Variants in PPP2R2B observed in about 807,000 individuals in gnomAD.
The protein encoded by PPP2R2B is serine/threonine-protein phosphatase 2A 55 kDa regulatory subunit B beta isoform.
Under a neutral mutation model 46.0 loss-of-function variants are expected in PPP2R2B, and 5 were observed. The ratio of observed to expected loss-of-function variants is 0.11; its 90% CI spans 0.06 to 0.23. The LOEUF is 0.23. Ranked by LOEUF, PPP2R2B falls within the 10% of genes least tolerant of loss-of-function variation. The pLI is 1.00. For synonymous variants in PPP2R2B, 215 were observed against 206.7 expected, an observed-to-expected ratio of 1.04 and a Z score of -0.34; for missense variants, 367 against 575.0, an observed-to-expected ratio of 0.64 and a Z score of 3.70.
intron 1 of PPP2R2B, among the ~76,000 whole-genome samples, chr5:146,900,436 T>TA (rs1346069275): frequency 5.3e-5 from 8 of 152,158 alleles, no homozygotes; most frequent in Non-Finnish European, 1.0e-4. Flanking sequence ...CATTATGTCA[T>TA]TGTTGCTACC....
chr5:146,590,914 GT>G (rs552411743), intron 9 of PPP2R2B, among the ~76,000 whole-genome samples: 15 of 150,484 alleles, frequency 1.0e-4, no homozygotes, highest in East Asian at 3.8e-4. Context: ...ATTTTATATG[GT>G]TTTTTTCCCA....
intron 2 of PPP2R2B, among the ~76,000 whole-genome samples, chr5:146,875,721 G>A (rs370611328): frequency 6.6e-6 from 1 of 152,214 alleles, no homozygotes; most frequent in African/African-American, 2.4e-5. Context: ...TCTATGGAAG[G>A]ACTAGAAGCT....
intron 1 of PPP2R2B, among the ~76,000 whole-genome samples, chr5:146,985,976 T>C (rs1753412435): frequency 6.6e-6 from 1 of 152,120 alleles, no homozygotes; most frequent in African/African-American, 2.4e-5. Context: ...GATGGCATAA[T>C]AGAACCCTCT....
intron 1 of PPP2R2B, among the ~76,000 whole-genome samples, chr5:146,952,870 G>T (rs1242306226): frequency 2.6e-5 from 4 of 152,128 alleles, no homozygotes; most frequent in African/African-American, 9.7e-5. Flanking sequence ...GACCTGGATG[G>T]TTATCCACTT....
upstream of PPP2R2B, among the ~76,000 whole-genome samples, chr5:146,881,358 CTTA>C (rs1214673104): frequency 6.6e-6 from 1 of 151,656 alleles, no homozygotes; most frequent in African/African-American, 2.4e-5. Flanking sequence ...TATTTGTTTA[CTTA>C]TTATTGTTGG....
At chr5:146,891,580 C>A (rs560966653) in intron 1 of PPP2R2B, among the ~76,000 whole-genome samples, 12 of 152,268 alleles carry the variant, frequency 7.9e-5, no homozygotes, top group Non-Finnish European at 1.5e-4. Context: ...GAGGTATATT[C>A]ATTCAACATC....
intron 2 of PPP2R2B, among the ~76,000 whole-genome samples, chr5:146,853,980 T>C (rs997668287): frequency 7.2e-5 from 11 of 152,096 alleles, no homozygotes; most frequent in African/African-American, 2.7e-4. Context: ...TTCTGCATTA[T>C]AATTGCCTGT....
chr5:147,065,758 C>A (rs1757397699), intron 2 of PPP2R2B, among the ~76,000 whole-genome samples: 1 of 152,032 alleles, frequency 6.6e-6, no homozygotes, highest in East Asian at 1.9e-4. Flanking sequence ...GAAGGCAGAG[C>A]CAAGAATGAT....
chr5:146,875,988 G>A (rs762782613), intron 2 of PPP2R2B, among the ~76,000 whole-genome samples: 5 of 152,112 alleles, frequency 3.3e-5, no homozygotes, highest in South Asian at 4.1e-4. Flanking sequence ...TATTTACATC[G>A]TTTAAGTTCT....
chr5:146,909,322 C>G (rs1200713105), intron 1 of PPP2R2B, among the ~76,000 whole-genome samples: 1 of 152,198 alleles, frequency 6.6e-6, no homozygotes, highest in African/African-American at 2.4e-5. Context: ...TCATTTGCTT[C>G]TGGGATATTC....
intron 7 of PPP2R2B, among the ~76,000 whole-genome samples, chr5:146,626,030 G>A (rs941649933): frequency 4.6e-5 from 7 of 152,202 alleles, no homozygotes; most frequent in African/African-American, 9.7e-5. Flanking sequence ...AGAGCCTCTA[G>A]CAGGGAACAC....
chr5:146,598,756 A>G (rs1021407131), intron 8 of PPP2R2B, among the ~76,000 whole-genome samples: 2 of 152,146 alleles, frequency 1.3e-5, no homozygotes, highest in African/African-American at 4.8e-5. Flanking sequence ...GGCTACCTTC[A>G]TTGCTAATAC....
At chr5:146,609,583 G>T (rs1457510226) in intron 7 of PPP2R2B, among the ~76,000 whole-genome samples, 2 of 150,954 alleles carry the variant, frequency 1.3e-5, no homozygotes, top group Non-Finnish European at 3.0e-5. Flanking sequence ...CTGAGGTACC[G>T]GGTTCATCTC....
intron 5 of PPP2R2B, among the ~76,000 whole-genome samples, chr5:146,680,370 GA>G (rs1304269645): frequency 7.3e-6 from 1 of 137,324 alleles, no homozygotes; most frequent in Non-Finnish European, 1.5e-5. Context: ...ACAGGAAGGG[GA>G]ATATCACACT....
intron 7 of PPP2R2B, among the ~76,000 whole-genome samples, chr5:146,606,185 TAGG>T (rs1419711816): frequency 2.6e-5 from 4 of 152,156 alleles, no homozygotes; most frequent in Non-Finnish European, 4.4e-5. Context: ...ACTCTGGGGA[TAGG>T]AGAAGAGAGA....
In PPP2R2B at chr5:146,999,083, G is replaced by A. The variant is rs141529561; in HGVS notation, c.79+56582C>T. Among the ~76,000 whole-genome samples, 1,088 of 150,702 alleles carry A rather than the reference G, an allele frequency of 7.2e-3. 10 individuals carry two copies. The highest frequency in any genetic ancestry group is 0.025 in the African/African-American group (1,041 of 41,066). On this transcript the variant is annotated intron_variant, in intron 1 of 8. Coordinates refer to the PPP2R2B transcript ENST00000336640. ...AGATCTTTCCTGTGCAATTCTTCAG[G>A]CCTATATAATTGTTTATTTGGCTGT...
At chr5:147,031,875 C>T (rs1010196838) in intron 1 of PPP2R2B, among the ~76,000 whole-genome samples, 2 of 152,176 alleles carry the variant, frequency 1.3e-5, no homozygotes, top group Admixed American at 6.5e-5. Context: ...TCTCAACTCT[C>T]ACCTTATTCA....
chr5:146,886,840 T>A (rs997741139), intron 1 of PPP2R2B, among the ~76,000 whole-genome samples: 2 of 151,452 alleles, frequency 1.3e-5, no homozygotes, highest in Non-Finnish European at 2.9e-5. Context: ...AAAAAAAAAA[T>A]AAGTATTTTT....
intron 1 of PPP2R2B, among the ~76,000 whole-genome samples, chr5:146,982,240 C>T (rs1753212693): frequency 6.6e-6 from 1 of 151,986 alleles, no homozygotes; most frequent in Admixed American, 6.6e-5. Flanking sequence ...TTGCCAGGTC[C>T]CACAATTTTT....
Sources: gnomAD v4.1 joint callset for allele counts (sites outside exome capture counted in the v4.1 genomes callset) on GRCh38, gnomAD v4.1.1 for gene constraint, MANE v1.5 for transcripts, NCBI Gene and HGNC (gene_info 2026-07-23, HGNC 2026-07-21) for gene names.